TMEM9: variants seen among roughly 807,000 people sequenced by gnomAD.
TMEM9 encodes transmembrane protein 9, also known as proton-transporting V-type ATPase complex assembly regulator TMEM9.
A neutral mutation model predicts 22.8 loss-of-function variants in TMEM9; 13 were observed. The observed-to-expected ratio is 0.57, with a 90% CI of 0.37 to 0.91. The LOEUF (loss-of-function observed/expected upper bound fraction) is 0.91. TMEM9 is among the 40% of genes least tolerant of loss of function. The pLI, the probability that TMEM9 is intolerant of heterozygous loss-of-function variation, is 0.01. For missense variants in TMEM9, 182 were observed against 238.1 expected (o/e 0.76, Z 1.55); for synonymous variants, 88 against 93.0 (o/e 0.95, Z 0.31).
At chr1:201,153,812 C>A (rs748002629) in intron 1 of TMEM9, 46 bp downstream of exon 1, 2 of 1,611,558 alleles carry the variant, frequency 1.2e-6, no homozygotes, top group Non-Finnish European at 8.5e-7. Flanking sequence ...ACAGGGTGGC[C>A]GTGCACTGTG....
intron 3 of TMEM9, 147 bp from the exon 4 acceptor site, chr1:201,144,098 G>C: frequency 1.3e-6 from 1 of 785,780 alleles, no homozygotes; most frequent in Non-Finnish European, 2.0e-6. Context: ...TGGGCTCAGA[G>C]GGAAAGCATG....
At chr1:201,156,938 G>T (rs968242848), upstream of TMEM9, among the ~76,000 whole-genome samples, 2 of 152,184 alleles carry the variant, frequency 1.3e-5, no homozygotes, top group South Asian at 2.1e-4. Flanking sequence ...ATGTAACATA[G>T]AAAGTGATGT....
At chr1:201,158,637 G>T (rs572154393), upstream of TMEM9, among the ~76,000 whole-genome samples, 137 of 152,228 alleles carry the variant, frequency 9.0e-4, no homozygotes, top group African/African-American at 3.2e-3. Flanking sequence ...CTGGCTCGGG[G>T]CTCAGTGAGA....
chr1:201,154,059 G>A lies in TMEM9; in HGVS notation c.-136C>T. On this transcript the variant is annotated 5_prime_UTR_variant, in exon 1 of 5. Transcript: ENST00000367330. ...CCGGCCAAGTGGGAATGGGGTTGGG[G>A]GCTGGGCTCCAGGATTCCAAGGCCT... 1 of 1,059,948 alleles carries A rather than the reference G, an allele frequency of 9.4e-7. No individual in the cohort carries two copies. The allele number at this position is 1,059,948 out of a possible 1,614,324, so 65.7% of individuals were successfully genotyped here.
At chr1:201,166,988 A>G (rs1316373330) in intron 1 of TMEM9, among the ~76,000 whole-genome samples, 2 of 152,212 alleles carry the variant, frequency 1.3e-5, no homozygotes, top group African/African-American at 4.8e-5. Context: ...AAAGTGTGCT[A>G]TGTGTATGCA....
intron 4 of TMEM9, among the ~76,000 whole-genome samples, chr1:201,140,478 G>A (rs1031861900): frequency 2.0e-5 from 3 of 152,226 alleles, no homozygotes; most frequent in African/African-American, 7.2e-5. Flanking sequence ...GCCTACTGAG[G>A]CTCTGCCAGC....
At chr1:201,156,538 C>G (rs1572136128), upstream of TMEM9, among the ~76,000 whole-genome samples, 1 of 152,200 alleles carries the variant, frequency 6.6e-6, no homozygotes, top group South Asian at 2.1e-4. Context: ...GTTACTCCCC[C>G]CACCGGCTGT....
Position 201,154,107 on chromosome 1 carries a change from T to C in TMEM9, c.-184A>G. Reference sequence around the variant, plus strand: ...CCTGCTAAACCTGGTCGCCAAACCCTGCTTCCCTCCCGCCCAACTCTCCGG... The same window carrying C: ...CCTGCTAAACCTGGTCGCCAAACCCCGCTTCCCTCCCGCCCAACTCTCCGG... On this transcript the variant is annotated 5_prime_UTR_variant, in exon 1 of 5. Coordinates refer to ENST00000367330, the MANE Select transcript of TMEM9 (RefSeq NM_001288565.2). The C allele has an allele frequency of 2.9e-6, 2 of 681,596 alleles. No homozygotes were observed. The highest frequency in any genetic ancestry group is 4.7e-6 in the Non-Finnish European group (2 of 422,520). 42.2% of individuals were successfully genotyped at this position (681,596 alleles called of 1,614,324 possible). A position where few individuals can be genotyped will look rare whatever the true frequency, so the allele number is the denominator to read the frequency against.
At chr1:201,165,514 A>G (rs1410755407) in intron 1 of TMEM9, among the ~76,000 whole-genome samples, 1 of 150,514 alleles carries the variant, frequency 6.6e-6, no homozygotes, top group Non-Finnish European at 1.5e-5. Flanking sequence ...TTGACTCGCT[A>G]CAACCTCTGG....
intron 4 of TMEM9, among the ~76,000 whole-genome samples, chr1:201,137,172 G>A (rs982512054): frequency 8.5e-5 from 13 of 152,252 alleles, no homozygotes; most frequent in Admixed American, 5.2e-4. Context: ...TGAAAGGCAC[G>A]TGTGGCCATG....
chr1:201,152,765 C>G (rs1051805691), intron 1 of TMEM9, among the ~76,000 whole-genome samples: 1 of 152,162 alleles, frequency 6.6e-6, no homozygotes, highest in Non-Finnish European at 1.5e-5. Flanking sequence ...ACAGACATGA[C>G]CACAAAGATG....
chr1:201,135,773 G>A lies in TMEM9; in HGVS notation c.442C>T (p.Pro148Ser). 6.2e-7 allele frequency: 1 copy of A among 1,612,776 alleles called. No homozygotes were observed. The highest frequency in any genetic ancestry group is 8.5e-7 in the Non-Finnish European group (1 of 1,179,442). The change falls in exon 5 of 5, where the codon CCC (proline) becomes TCC (serine). Residue 148 changes from proline to serine, a missense_variant. Coordinates refer to ENST00000367330, the MANE Select transcript of TMEM9 (RefSeq NM_001288565.2). ...CGCTCCAGGACTGTGTTTGCTCGGG[G>A]TCCCCCGAGGGATGCAGCAGCTGCT... ...MAAAAASLGG[P>S]RANTVLERVE...
chr1:201,160,561 C>G (rs1665914820), intron 1 of TMEM9, among the ~76,000 whole-genome samples: 1 of 151,566 alleles, frequency 6.6e-6, no homozygotes, highest in African/African-American at 2.4e-5. Context: ...TGCACTTCAG[C>G]CTAGGCAACA....
At chr1:201,153,778 G>C (rs1004601658) in intron 1 of TMEM9, 80 bp downstream of exon 1, 1 of 1,597,696 alleles carries the variant, frequency 6.3e-7, no homozygotes, top group African/African-American at 1.3e-5. Flanking sequence ...GGAGCAGCTG[G>C]CTACCTCTGA....
chr1:201,147,396 C>T (rs550743217), intron 2 of TMEM9, among the ~76,000 whole-genome samples: 15 of 152,272 alleles, frequency 9.9e-5, no homozygotes, highest in East Asian at 3.9e-4. Context: ...CTTCACTGTC[C>T]GGGTCAAACC....
In TMEM9 at chr1:201,135,546, AC is replaced by A; in HGVS notation, c.*116del. On this transcript the variant is annotated 3_prime_UTR_variant, in exon 5 of 5. Coordinates refer to ENST00000367330, the MANE Select transcript of TMEM9 (RefSeq NM_001288565.2). ...GTTAGGGAGAAGGAGGAAAAATGCC[AC>A]AGGCTTTTAAAGGGAAGACTGGAAC... 8.8e-7 allele frequency: 1 copy of A among 1,130,094 alleles called. No individual in the cohort carries two copies. Among genetic ancestry groups the A allele is most frequent in the South Asian group, 2.0e-5 (1 of 50,756 alleles). 70.0% of individuals were successfully genotyped at this position (1,130,094 alleles called of 1,614,324 possible).
At chr1:201,168,087 T>A (rs1196343633) in intron 1 of TMEM9, among the ~76,000 whole-genome samples, 1 of 152,280 alleles carries the variant, frequency 6.6e-6, no homozygotes, top group African/African-American at 2.4e-5. Context: ...TATTGTTCTA[T>A]GTAGCAGTTC....
At chr1:201,152,972 GCCT>G (rs1306810727) in intron 1 of TMEM9, among the ~76,000 whole-genome samples, 1 of 152,232 alleles carries the variant, frequency 6.6e-6, no homozygotes, top group Non-Finnish European at 1.5e-5. Context: ...CTGGCAGAAT[GCCT>G]CCTCATCTCT....
Position 201,135,595 on chromosome 1 carries a change from C to G in TMEM9, c.*68G>C, listed in dbSNP as rs1358463093. The G allele has an allele frequency of 6.9e-7, 1 of 1,445,066 alleles. No homozygotes were observed. The highest frequency in any genetic ancestry group is 9.2e-7 in the Non-Finnish European group (1 of 1,087,032). 89.5% of individuals were successfully genotyped at this position (1,445,066 alleles called of 1,614,324 possible). On this transcript the variant is annotated 3_prime_UTR_variant, in exon 5 of 5. Transcript: ENST00000367330. Reference sequence around the variant, plus strand: ...AACCGAGGGAAGGGAGAAGTAGCCCCCTGCTTTGTCCAGCCTGGAAGCTGG... The same window carrying G: ...AACCGAGGGAAGGGAGAAGTAGCCCGCTGCTTTGTCCAGCCTGGAAGCTGG...
Sources: gnomAD v4.1 joint callset for allele counts (sites outside exome capture counted in the v4.1 genomes callset) on GRCh38, gnomAD v4.1.1 for gene constraint, MANE v1.5 for transcripts, NCBI Gene and HGNC (gene_info 2026-07-23, HGNC 2026-07-21) for gene names.